DTX4: variants seen among roughly 807,000 people sequenced by gnomAD.
DTX4 encodes the protein deltex E3 ubiquitin ligase 4.
A neutral mutation model predicts 57.6 loss-of-function variants in DTX4; 28 were observed. The ratio of observed to expected loss-of-function variants is 0.49; its 90% CI spans 0.36 to 0.67. The LOEUF (loss-of-function observed/expected upper bound fraction) is 0.67, where lower values mean the gene tolerates loss of function less well. Ranked by LOEUF, DTX4 falls within the 30% of genes least tolerant of loss-of-function variation. The pLI is 0.00. For synonymous variants in DTX4, 316 were observed against 331.0 expected, an observed-to-expected ratio of 0.95 and a Z score of 0.49; for missense variants, 715 against 836.8, an observed-to-expected ratio of 0.85 and a Z score of 1.80.
At chr11:59,174,329 G>A (rs1477740548) in intron 1 of DTX4, among the ~76,000 whole-genome samples, 1 of 151,894 alleles carries the variant, frequency 6.6e-6, no homozygotes, top group Admixed American at 6.6e-5. Context: ...CTGAGGGGGA[G>A]GGAGAGAATG....
rs182488996 is a variant in DTX4 at position 59,197,627 on chromosome 11, G to A, written c.1537-2057G>A. Among the ~76,000 whole-genome samples, 907 of 152,302 alleles carry A rather than the reference G, an allele frequency of 6.0e-3. 11 individuals carry two copies. Among genetic ancestry groups the A allele is most frequent in the African/African-American group, 0.021 (861 of 41,560 alleles). ...CAGGCAAAAGAGTCGGGGATGGCCA[G>A]AGGAAAGAAGACCAATTAAAAGGCC... On this transcript the variant is annotated intron_variant, in intron 7 of 8. Coordinates refer to ENST00000227451, the MANE Select transcript of DTX4 (RefSeq NM_015177.2).
chr11:59,195,372 G>A lies in DTX4; in HGVS notation c.1536+3G>A. On this transcript the variant is annotated splice_donor_region_variant and intron_variant, in intron 7 of 8. Coordinates refer to ENST00000227451, the MANE Select transcript of DTX4 (RefSeq NM_015177.2). ...ACAGCATCCCCCCCGGCATTCAGGT[G>A]AGCCTTTCTCTCAGGTGAGCCTTTC... The A allele has an allele frequency of 6.3e-7, 1 of 1,599,894 alleles. No homozygotes were observed. The highest frequency in any genetic ancestry group is 8.5e-7 in the Non-Finnish European group (1 of 1,170,264).
rs750598458 is a variant in DTX4, at chr11:59,182,005, A to T, written c.478A>T (p.Ile160Phe). ...CCGCGTCCGCCGGCGCCTCGACCTC[A>T]TCTACCCCATGGTCACAGGGACCTT... ...QRRVRRRLDL[I>F]YPMVTGTLPK... Residue 160 changes from isoleucine to phenylalanine, a missense_variant, in exon 2 of 9, where the codon ATC (isoleucine) becomes TTC (phenylalanine). Ile to Phe is a conservative substitution (Grantham distance 21). Transcript: ENST00000227451. 3.7e-6 allele frequency: 6 copies of T among 1,613,694 alleles called. No homozygotes were observed. The highest frequency in any genetic ancestry group is 3.4e-6 in the Non-Finnish European group (4 of 1,179,828).
At chr11:59,203,264 T>C (rs1307819754) in intron 8 of DTX4, among the ~76,000 whole-genome samples, 1 of 152,256 alleles carries the variant, frequency 6.6e-6, no homozygotes, top group Non-Finnish European at 1.5e-5. Flanking sequence ...TAAAAACCTT[T>C]TAACTTTTTT....
intron 7 of DTX4, among the ~76,000 whole-genome samples, chr11:59,198,284 G>A (rs540406388): frequency 1.4e-4 from 21 of 152,216 alleles, no homozygotes; most frequent in Non-Finnish European, 2.8e-4. Flanking sequence ...AGCGGCAGTC[G>A]AAGGCAGATC....
intron 8 of DTX4, among the ~76,000 whole-genome samples, chr11:59,203,892 C>T (rs1455750712): frequency 1.3e-5 from 2 of 152,292 alleles, no homozygotes; most frequent in Middle Eastern, 6.8e-3. Flanking sequence ...TGTCTGCTTT[C>T]ATTACTAATA....
At chr11:59,193,955 T>TCCCAG (rs1565220060) in intron 6 of DTX4, among the ~76,000 whole-genome samples, 1 of 152,152 alleles carries the variant, frequency 6.6e-6, no homozygotes, top group African/African-American at 2.4e-5. Context: ...CACACGTTGC[T>TCCCAG]CCCAGCCCAT....
chr11:59,191,924 C>T (rs1286504245), intron 5 of DTX4, among the ~76,000 whole-genome samples, 174 bp from the exon 6 acceptor site: 13 of 152,176 alleles, frequency 8.5e-5, no homozygotes, highest in Admixed American at 1.3e-4. Flanking sequence ...TATTTCAGGA[C>T]GTTGTTGTGT....
intron 7 of DTX4, 50 bp from the exon 8 acceptor site, chr11:59,199,634 T>C: frequency 7.2e-7 from 1 of 1,389,756 alleles, no homozygotes; most frequent in Non-Finnish European, 1.0e-6. Flanking sequence ...CCCGCTCTTA[T>C]CAGAAATATT....
At chr11:59,173,338 G>A (rs1233500372) in intron 1 of DTX4, among the ~76,000 whole-genome samples, 2 of 152,242 alleles carry the variant, frequency 1.3e-5, no homozygotes, top group Non-Finnish European at 2.9e-5. Context: ...TGGGAACTGG[G>A]GGAGGAAGAA....
intron 6 of DTX4, among the ~76,000 whole-genome samples, chr11:59,193,361 A>G (rs539504144): frequency 1.3e-5 from 2 of 152,020 alleles, no homozygotes; most frequent in Admixed American, 1.3e-4. Flanking sequence ...CTTCATCTTC[A>G]TGTAGCCTAT....
chr11:59,192,266 TG>T lies in DTX4; in HGVS notation c.1374+20del. ...TGGGAACAAGGTCAGTGCCAGCCTATGGGGCTCCTGCCACCCTTCACACTGG... is the reference window on the plus strand; with the variant it reads ...TGGGAACAAGGTCAGTGCCAGCCTATGGGCTCCTGCCACCCTTCACACTGG... On this transcript the variant is annotated intron_variant, in intron 6 of 8. Transcript: ENST00000227451. The T allele has an allele frequency of 6.2e-7, 1 of 1,613,558 alleles. No homozygotes were observed. The highest frequency in any genetic ancestry group is 1.1e-5 in the South Asian group (1 of 91,058).
At position 59,208,269 on chromosome 11, in the gene DTX4, G is replaced by A. The variant is rs1450588038; in HGVS notation, c.*3360G>A. 1 of 152,388 alleles carries A rather than the reference G, an allele frequency of 6.6e-6. No homozygotes were observed. Among genetic ancestry groups the A allele is most frequent in the Admixed American group, 6.5e-5 (1 of 15,284 alleles). The allele number at this position is 152,388 out of a possible 1,614,324, so 9.4% of individuals were successfully genotyped here. ...TCCCTGAGTCTGTAAGCAACCACAAGCCCTGCCACTGGGTGGGGGAAGTCC... is the reference window on the plus strand; with the variant it reads ...TCCCTGAGTCTGTAAGCAACCACAAACCCTGCCACTGGGTGGGGGAAGTCC... On this transcript the variant is annotated 3_prime_UTR_variant, in exon 9 of 9. Coordinates refer to ENST00000227451, the MANE Select transcript of DTX4 (RefSeq NM_015177.2).
Position 59,205,391 on chromosome 11 carries a change from G to C in DTX4, c.*482G>C, listed in dbSNP as rs1027155326. On this transcript the variant is annotated 3_prime_UTR_variant, in exon 9 of 9. Transcript: ENST00000227451. ...AGCTCTCACTGTGCAAGGTTGGGGG[G>C]TGGGCAAAGGGGTGAATCACTAAAC... The C allele has an allele frequency of 3.0e-5, 5 of 169,032 alleles. No individual in the cohort carries two copies. Among genetic ancestry groups the C allele is most frequent in the African/African-American group, 1.2e-4 (5 of 42,224 alleles). 10.5% of individuals were successfully genotyped at this position (169,032 alleles called of 1,614,324 possible).
rs145754722 is a variant in DTX4 at position 59,201,284 on chromosome 11, G to T, written c.1626+1511G>T. 5.3e-5 allele frequency among the ~76,000 whole-genome samples: 8 copies of T among 152,320 alleles called. No individual in the cohort carries two copies. In the East Asian group the frequency reaches 1.5e-3, roughly 29 times the overall value. ...ACCTTCTAATACTGTCACCTTGGGG[G>T]TGAGGATTTCAACATAGCAATTTCG... On this transcript the variant is annotated intron_variant, in intron 8 of 8. Coordinates refer to ENST00000227451, the MANE Select transcript of DTX4 (RefSeq NM_015177.2).
At chr11:59,185,576 C>T (rs1420151190) in intron 2 of DTX4, among the ~76,000 whole-genome samples, 1 of 152,094 alleles carries the variant, frequency 6.6e-6, no homozygotes, top group Non-Finnish European at 1.5e-5. Flanking sequence ...AGAGCTCAGG[C>T]TTTTGAAGCT....
In DTX4 at chr11:59,195,280, A is replaced by T. The variant is rs746155731; in HGVS notation, c.1447A>T (p.Met483Leu). The T allele has an allele frequency of 6.2e-7, 1 of 1,613,926 alleles. No homozygotes were observed. Among genetic ancestry groups the T allele is most frequent in the East Asian group, 2.2e-5 (1 of 44,868 alleles). ...VKTGTQPPGK[M>L]EYHLIPHSLP... ...GACAGGCACCCAACCTCCAGGGAAG[A>T]TGGAGTACCACCTCATCCCCCACTC... The change falls in exon 7 of 9, where the codon ATG becomes TTG. Residue 483 changes from methionine to leucine, a missense_variant. Met to Leu is a conservative substitution (Grantham distance 15). Transcript: ENST00000227451.
At chr11:59,181,056 A>G (rs1862456541) in intron 1 of DTX4, among the ~76,000 whole-genome samples, 1 of 151,978 alleles carries the variant, frequency 6.6e-6, no homozygotes, top group Non-Finnish European at 1.5e-5. Context: ...AGCATTTATA[A>G]ATGTATAGAG....
chr11:59,189,080 A>AG, intron 3 of DTX4, 82 bp from the exon 4 acceptor site: 7 of 1,507,718 alleles, frequency 4.6e-6, no homozygotes, highest in Non-Finnish European at 6.4e-6. Flanking sequence ...GGAGGAGAGT[A>AG]GGTTAATGGG....
Sources: gnomAD v4.1 joint callset for allele counts (sites outside exome capture counted in the v4.1 genomes callset) on GRCh38, gnomAD v4.1.1 for gene constraint, MANE v1.5 for transcripts, NCBI Gene and HGNC (gene_info 2026-07-23, HGNC 2026-07-21) for gene names.